MCF2L2: variants seen among roughly 807,000 people sequenced by gnomAD.
The protein encoded by MCF2L2 is MCF.2 cell line derived transforming sequence-like 2.
In MCF2L2, 102 loss-of-function variants were observed where a neutral mutation model predicts 150.2. The ratio of observed to expected loss-of-function variants is 0.68; its 90% confidence interval spans 0.58 to 0.80. The LOEUF is 0.80. Among genes scored for constraint, MCF2L2 ranks in the 30% least tolerant of loss-of-function variants. MCF2L2 has a pLI of 0.00. For missense variants in MCF2L2, 1,256 were observed against 1,372.8 expected, an observed-to-expected ratio of 0.91 and a Z score of 1.34; for synonymous variants, 465 against 491.3, an observed-to-expected ratio of 0.95 and a Z score of 0.71.
chr3:183,290,047 C>T (rs976077795), intron 13 of MCF2L2, among the ~76,000 whole-genome samples: 1 of 152,058 alleles, frequency 6.6e-6, no homozygotes, highest in African/African-American at 2.4e-5. Context: ...ATATATTTTC[C>T]ATTATAAAGG....
intron 25 of MCF2L2, among the ~76,000 whole-genome samples, chr3:183,204,085 G>T (rs924242529): frequency 2.0e-5 from 3 of 152,148 alleles, no homozygotes; most frequent in Admixed American, 2.0e-4. Flanking sequence ...AAAGGAACTT[G>T]GGCCCCTAAT....
At chr3:183,326,677 A>G (rs1730055760) in intron 5 of MCF2L2, among the ~76,000 whole-genome samples, 1 of 149,632 alleles carries the variant, frequency 6.7e-6, no homozygotes, top group African/African-American at 2.5e-5. Context: ...TTACAGTACA[A>G]TATCAAGACC....
chr3:183,425,781 G>A lies in MCF2L2; in HGVS notation c.76+2121C>T, dbSNP rs1319099305. Among the ~76,000 whole-genome samples the A allele has an allele frequency of 3.9e-5, 6 of 152,152 alleles. 1 individual carries two copies. The highest frequency in any genetic ancestry group is 1.3e-4 in the Admixed American group (2 of 15,274). ...CAATCTGACCAACATGGAGAAACCC[G>A]TCTCTACTAAAAATACAAAAAAAAT... On this transcript the variant is annotated intron_variant, in intron 1 of 29. Transcript: ENST00000328913.
At chr3:183,388,458 G>A (rs551357146) in intron 2 of MCF2L2, among the ~76,000 whole-genome samples, 1 of 152,286 alleles carries the variant, frequency 6.6e-6, no homozygotes, top group South Asian at 2.1e-4. Flanking sequence ...CAGGAGGCTG[G>A]TTAGGTCCTC....
intron 10 of MCF2L2, among the ~76,000 whole-genome samples, chr3:183,309,513 C>T (rs1362872454): frequency 2.0e-5 from 3 of 152,156 alleles, no homozygotes; most frequent in Admixed American, 6.5e-5. Context: ...TATGTTCCGG[C>T]AGCTTTAATA....
chr3:183,388,927 T>C (rs1180229915), intron 2 of MCF2L2, among the ~76,000 whole-genome samples: 1 of 152,240 alleles, frequency 6.6e-6, no homozygotes, highest in Non-Finnish European at 1.5e-5. Flanking sequence ...CTCTCTGTGA[T>C]GTAACTAAGA....
intron 10 of MCF2L2, among the ~76,000 whole-genome samples, chr3:183,304,462 ATTTTTTTT>A (rs36115279): frequency 8.8e-6 from 1 of 114,132 alleles, no homozygotes; most frequent in African/African-American, 3.5e-5. Flanking sequence ...CTGGGCAGTG[ATTTTTTTT>A]TTTTTTTTTT....
chr3:183,355,841 A>G (rs1711746789), intron 3 of MCF2L2, among the ~76,000 whole-genome samples: 1 of 152,052 alleles, frequency 6.6e-6, no homozygotes, highest in African/African-American at 2.4e-5. Flanking sequence ...TCATGAAGCT[A>G]GGGGTGATGC....
At chr3:183,273,067 GT>G (rs1347513362) in intron 15 of MCF2L2, 1 of 1,469,462 alleles carries the variant, frequency 6.8e-7, no homozygotes, top group African/African-American at 1.4e-5. Flanking sequence ...AAGAGTATCT[GT>G]AAATAAAAGG....
At chr3:183,219,519 G>C (rs1457931623) in intron 21 of MCF2L2, among the ~76,000 whole-genome samples, 4 of 151,910 alleles carry the variant, frequency 2.6e-5, no homozygotes, top group Non-Finnish European at 4.4e-5. Context: ...GCTGAGGCAG[G>C]AGAATCGCTT....
chr3:183,258,336 C>T (rs1021954923), intron 15 of MCF2L2: 2 of 152,920 alleles, frequency 1.3e-5, no homozygotes, highest in African/African-American at 4.8e-5. Flanking sequence ...TTCTCCCATC[C>T]AAGTACTAAC....
chr3:183,383,094 C>T (rs1713626468), intron 2 of MCF2L2, among the ~76,000 whole-genome samples: 2 of 152,066 alleles, frequency 1.3e-5, no homozygotes, highest in Non-Finnish European at 1.5e-5. Flanking sequence ...CAAAGAATTG[C>T]CCCACATGCT....
chr3:183,400,448 G>A (rs1023819148), intron 1 of MCF2L2: 2 of 456,506 alleles, frequency 4.4e-6, no homozygotes, highest in Non-Finnish European at 4.4e-6. Flanking sequence ...TGTAAGGTGA[G>A]TATCTAGGAT....
chr3:183,289,063 G>C, intron 14 of MCF2L2, 57 bp downstream of exon 14: 14 of 1,134,934 alleles, frequency 1.2e-5, no homozygotes, highest in South Asian at 7.6e-5. Context: ...TGATAATTGT[G>C]ACAGCAATCT....
chr3:183,195,053 G>C, intron 26 of MCF2L2, among the ~76,000 whole-genome samples, 169 bp downstream of exon 26: 1 of 152,166 alleles, frequency 6.6e-6, no homozygotes, highest in East Asian at 1.9e-4. Flanking sequence ...AAAGTGCTGA[G>C]ATTACAGGCG....
Position 183,323,301 on chromosome 3 carries a change from G to C in MCF2L2, c.537C>G (p.Ser179Arg). 1 of 1,613,930 alleles carries C rather than the reference G, an allele frequency of 6.2e-7. No homozygotes were observed. Among genetic ancestry groups the C allele is most frequent in the Non-Finnish European group, 8.5e-7 (1 of 1,179,856 alleles). The change falls in exon 6 of 30, where the codon AGC (serine) becomes AGG (arginine). Residue 179 changes from serine (S) to arginine (R), a missense_variant. By Grantham distance (110) the Ser-to-Arg change is moderately radical (BLOSUM62 -1). Coordinates refer to ENST00000328913, the MANE Select transcript of MCF2L2 (RefSeq NM_015078.4). ...TCCCCCCTAATTCCCGGGTCAGTTG[G>C]CTTTTGTCGATGTAGCCGTGAAGGT... is the stretch of plus-strand genomic sequence containing the variant. Reference protein sequence around the residue: ...VSDLHGYIDKSQLTRELGGTL... With the variant: ...VSDLHGYIDKRQLTRELGGTL...
intron 7 of MCF2L2, among the ~76,000 whole-genome samples, chr3:183,313,553 T>C (rs995858616): frequency 2.0e-5 from 3 of 152,208 alleles, no homozygotes; most frequent in Non-Finnish European, 2.9e-5. Flanking sequence ...TACAAAAATC[T>C]GTCATGAACA....
At position 183,305,934 on chromosome 3, in the gene MCF2L2, T is replaced by C. The variant is rs1403871240; in HGVS notation, c.1113+3782A>G. Among the ~76,000 whole-genome samples the C allele has an allele frequency of 6.6e-6, 1 of 152,122 alleles. No individual in the cohort carries two copies. The highest frequency in any genetic ancestry group is 2.4e-5 in the African/African-American group (1 of 41,424). The stretch of plus-strand genomic sequence containing the variant: ...TATTACAGAATTGAAAGGACAACAA[T>C]AGTTTCTGACCACTGACTACTGACC... On this transcript the variant is annotated intron_variant, in intron 10 of 29. Coordinates refer to ENST00000328913, the MANE Select transcript of MCF2L2 (RefSeq NM_015078.4). This position sits in a 1 kb window ranked among gnomAD's most constrained non-coding sequence, Gnocchi z 4.1.
intron 22 of MCF2L2, among the ~76,000 whole-genome samples, chr3:183,212,125 T>C (rs538516212): frequency 4.1e-4 from 62 of 152,294 alleles, no homozygotes; most frequent in African/African-American, 1.4e-3. Context: ...ACTCCAAGAA[T>C]TGCCGGCAGT....
Sources: gnomAD v4.1 joint callset for allele counts (sites outside exome capture counted in the v4.1 genomes callset) on GRCh38, gnomAD v4.1.1 for gene constraint, Gnocchi (gnomAD v3.1) non-coding constraint, MANE v1.5 for transcripts, NCBI Gene and HGNC (gene_info 2026-07-23, HGNC 2026-07-21) for gene names.